EFNA5: variants seen among roughly 807,000 people sequenced by gnomAD.
EFNA5 encodes ephrin-A5.
In EFNA5, 5 loss-of-function variants were observed where a neutral mutation model predicts 22.9. The ratio of observed to expected loss-of-function variants is 0.22; its 90% CI spans 0.11 to 0.46. The LOEUF is 0.46. Ranked by LOEUF, EFNA5 falls within the 20% of genes least tolerant of loss-of-function variation. The pLI is 0.99. For synonymous variants in EFNA5, 113 were observed against 112.2 expected, an observed-to-expected ratio of 1.01 and a Z score of -0.04; for missense variants, 237 against 293.3, an observed-to-expected ratio of 0.81 and a Z score of 1.40.
intron 2 of EFNA5, among the ~76,000 whole-genome samples, chr5:107,399,438 G>C (rs937307358): frequency 3.3e-5 from 5 of 151,718 alleles, no homozygotes; most frequent in Non-Finnish European, 5.9e-5. Flanking sequence ...AGAAAGGAAT[G>C]GGAACGTGGG....
intron 1 of EFNA5, among the ~76,000 whole-genome samples, chr5:107,662,015 T>G (rs991652221): frequency 6.6e-5 from 10 of 151,976 alleles, no homozygotes; most frequent in Non-Finnish European, 1.5e-5. Flanking sequence ...AAATAATTAA[T>G]AAATTTTAAA....
chr5:107,532,539 C>A (rs1050159911), intron 1 of EFNA5, among the ~76,000 whole-genome samples: 2 of 152,190 alleles, frequency 1.3e-5, no homozygotes, highest in Non-Finnish European at 2.9e-5. Flanking sequence ...CTTTATCCGG[C>A]CTCCACGGTC....
At chr5:107,629,441 C>T (rs1343418799) in intron 1 of EFNA5, among the ~76,000 whole-genome samples, 3 of 152,094 alleles carry the variant, frequency 2.0e-5, no homozygotes, top group Non-Finnish European at 4.4e-5. Flanking sequence ...TGTCATCATA[C>T]ATTTATCCAA....
chr5:107,515,348 T>C (rs1561419297), intron 1 of EFNA5, among the ~76,000 whole-genome samples: 1 of 133,936 alleles, frequency 7.5e-6, no homozygotes, highest in East Asian at 2.3e-4. Context: ...CAAGACATGG[T>C]TTTTATTTTT....
At chr5:107,628,483 G>C (rs1257794103) in intron 1 of EFNA5, among the ~76,000 whole-genome samples, 4 of 152,056 alleles carry the variant, frequency 2.6e-5, no homozygotes, top group African/African-American at 9.7e-5. Flanking sequence ...CATTCATTAT[G>C]AAAATTTGTC....
At chr5:107,656,294 G>T (rs367939686) in intron 1 of EFNA5, among the ~76,000 whole-genome samples, 1 of 152,074 alleles carries the variant, frequency 6.6e-6, no homozygotes, top group African/African-American at 2.4e-5. Flanking sequence ...TCCCTTTCCC[G>T]GGAAGAAGGT....
intron 1 of EFNA5, among the ~76,000 whole-genome samples, chr5:107,588,585 A>G (rs1480466407): frequency 6.6e-6 from 1 of 152,258 alleles, no homozygotes; most frequent in Non-Finnish European, 1.5e-5. Context: ...CTTGGGAAAG[A>G]TAACTGTATC....
chr5:107,667,059 T>C (rs1751092347), intron 1 of EFNA5, among the ~76,000 whole-genome samples: 1 of 152,122 alleles, frequency 6.6e-6, no homozygotes, highest in African/African-American at 2.4e-5. Context: ...TTGGTGACAT[T>C]CCAGTTTAGA....
chr5:107,394,296 G>A (rs1747862870), intron 2 of EFNA5, among the ~76,000 whole-genome samples: 1 of 152,162 alleles, frequency 6.6e-6, no homozygotes, highest in Non-Finnish European at 1.5e-5. Flanking sequence ...ATCATGGGCA[G>A]GTTAAGGTCA....
intron 1 of EFNA5, among the ~76,000 whole-genome samples, chr5:107,665,802 C>G (rs1279736064): frequency 6.6e-6 from 1 of 152,166 alleles, no homozygotes; most frequent in African/African-American, 2.4e-5. Flanking sequence ...AATCATACTT[C>G]TCTTTTACAA....
At chr5:107,553,563 G>T (rs1467451578) in intron 1 of EFNA5, among the ~76,000 whole-genome samples, 1 of 152,176 alleles carries the variant, frequency 6.6e-6, no homozygotes, top group Non-Finnish European at 1.5e-5. Flanking sequence ...ATTCGGAGGA[G>T]ACCTTGACCT....
intron 2 of EFNA5, among the ~76,000 whole-genome samples, chr5:107,419,407 A>G (rs1258927453): frequency 2.0e-5 from 3 of 152,216 alleles, no homozygotes; most frequent in African/African-American, 4.8e-5. Flanking sequence ...AAGCGAATAG[A>G]AGGACTATTT....
intron 1 of EFNA5, among the ~76,000 whole-genome samples, chr5:107,449,199 A>C (rs1749483061): frequency 6.6e-6 from 1 of 152,182 alleles, no homozygotes; most frequent in Non-Finnish European, 1.5e-5. Flanking sequence ...ACTACGGCTA[A>C]TTCTGCTCCT....
chr5:107,654,689 C>G (rs959640514), intron 1 of EFNA5, among the ~76,000 whole-genome samples: 2 of 152,058 alleles, frequency 1.3e-5, no homozygotes, highest in Admixed American at 6.6e-5. Context: ...AACCTTAGTA[C>G]TAAAGAGCAT....
In EFNA5 at chr5:107,670,672, G is replaced by T. The variant is rs947444345; in HGVS notation, c.-59C>A. ...CACTCCGGGGAGAGAGCGGGGATCC[G>T]GAGGGAGGGAGGCAGGCAAAGGGAC... On this transcript the variant is annotated 5_prime_UTR_variant, in exon 1 of 5. Transcript: ENST00000333274. The T allele has an allele frequency of 8.9e-5, 140 of 1,567,574 alleles. No individual in the cohort carries two copies. The highest frequency in any genetic ancestry group is 1.1e-4 in the Admixed American group (6 of 55,242).
intron 1 of EFNA5, among the ~76,000 whole-genome samples, chr5:107,522,925 C>T (rs1450098909): frequency 1.3e-5 from 2 of 152,132 alleles, no homozygotes; most frequent in South Asian, 4.1e-4. Context: ...GGGACCTTGC[C>T]TTTTTAACAA....
At chr5:107,602,074 T>C (rs1749609692) in intron 1 of EFNA5, among the ~76,000 whole-genome samples, 1 of 152,132 alleles carries the variant, frequency 6.6e-6, no homozygotes, top group Admixed American at 6.6e-5. Context: ...GAAAGAGACG[T>C]GAGCTCACAG....
At chr5:107,520,801 G>A (rs528400889) in intron 1 of EFNA5, among the ~76,000 whole-genome samples, 3 of 152,230 alleles carry the variant, frequency 2.0e-5, no homozygotes, top group African/African-American at 7.2e-5. Context: ...AATCACTGTG[G>A]ATCAAGATGT....
chr5:107,381,275 C>T lies in EFNA5; in HGVS notation c.667G>A (p.Ala223Thr). 1.2e-6 allele frequency: 2 copies of T among 1,613,832 alleles called. No homozygotes were observed. The highest frequency in any genetic ancestry group is 1.7e-6 in the Non-Finnish European group (2 of 1,179,832). ...CTGTGCTATAATGTCAAAAGCATCGCCAGGAGGAACAGTAGGATTGCCAAA... is the reference window on the plus strand; with the variant it reads ...CTGTGCTATAATGTCAAAAGCATCGTCAGGAGGAACAGTAGGATTGCCAAA... ...RLLAILLFLL[A>T]MLLTL Residue 223 changes from alanine to threonine, a missense_variant, in exon 5 of 5, where the codon GCG becomes ACG. By Grantham distance (58) the Ala-to-Thr change is moderately conservative. Transcript: ENST00000333274.
Sources: gnomAD v4.1 joint callset for allele counts (sites outside exome capture counted in the v4.1 genomes callset) on GRCh38, gnomAD v4.1.1 for gene constraint, MANE v1.5 for transcripts, NCBI Gene and HGNC (gene_info 2026-07-23, HGNC 2026-07-21) for gene names.